ALDH1A2: variants seen among roughly 807,000 people sequenced by gnomAD.
ALDH1A2 encodes the protein retinal dehydrogenase 2.
Under a neutral mutation model 60.3 loss-of-function variants are expected in ALDH1A2, and 27 were observed. That is an observed-to-expected ratio of 0.45 (90% confidence interval 0.33 to 0.62). The LOEUF (loss-of-function observed/expected upper bound fraction) is 0.62, where lower values mean the gene tolerates loss of function less well. Among genes scored for constraint, ALDH1A2 ranks in the 20% least tolerant of loss-of-function variants. The pLI, the probability that ALDH1A2 is intolerant of heterozygous loss-of-function variation, is 0.02. For synonymous variants in ALDH1A2, 289 were observed against 232.4 expected, an observed-to-expected ratio of 1.24 and a Z score of -2.21; for missense variants, 581 against 643.8, an observed-to-expected ratio of 0.90 and a Z score of 1.06.
At chr15:57,984,251 T>C (rs1225300133) in intron 7 of ALDH1A2, among the ~76,000 whole-genome samples, 1 of 152,242 alleles carries the variant, frequency 6.6e-6, no homozygotes, top group Non-Finnish European at 1.5e-5. Context: ...GCTGTAATAA[T>C]GTATTCAAAG....
In ALDH1A2 at chr15:57,957,636, G is replaced by A. The variant is rs3825778; in HGVS notation, c.1485-2367C>T. ...GTTACCTTCACATCAGGACGAAACA[G>A]CAAGGCAAAATCACATTTAGAAGAC... On this transcript the variant is annotated intron_variant, in intron 12 of 12. Transcript: ENST00000249750. Among the ~76,000 whole-genome samples the A allele has an allele frequency of 1.9e-3, 290 of 152,116 alleles. 1 individual carries two copies. The highest frequency in any genetic ancestry group is 6.9e-3 in the African/African-American group (288 of 41,482).
chr15:58,062,644 C>T (rs1316941216), intron 1 of ALDH1A2, among the ~76,000 whole-genome samples: 1 of 152,022 alleles, frequency 6.6e-6, no homozygotes, highest in Non-Finnish European at 1.5e-5. Flanking sequence ...CAAATTGGTC[C>T]CCTCAATACT....
chr15:57,961,564 C>G (rs1337849084), intron 10 of ALDH1A2, among the ~76,000 whole-genome samples: 2 of 152,158 alleles, frequency 1.3e-5, no homozygotes, highest in African/African-American at 4.8e-5. Flanking sequence ...TACAGAAGAG[C>G]AAGTGGCATC....
intron 8 of ALDH1A2, among the ~76,000 whole-genome samples, 153 bp downstream of exon 8, chr15:57,965,572 C>G (rs1454750859): frequency 6.6e-6 from 1 of 152,142 alleles, no homozygotes; most frequent in Admixed American, 6.5e-5. Flanking sequence ...GTGCTCTTTC[C>G]CCATTATTAA....
At chr15:57,970,687 T>C (rs1303347909) in intron 7 of ALDH1A2, among the ~76,000 whole-genome samples, 1 of 152,218 alleles carries the variant, frequency 6.6e-6, no homozygotes, top group East Asian at 1.9e-4. Context: ...AGAGCTATTT[T>C]ATTACACATA....
chr15:58,055,346 C>T (rs1896870035), intron 1 of ALDH1A2, among the ~76,000 whole-genome samples: 1 of 151,972 alleles, frequency 6.6e-6, no homozygotes, highest in Non-Finnish European at 1.5e-5. Flanking sequence ...AAAGCCGTAG[C>T]TATTAAAATA....
intron 1 of ALDH1A2, among the ~76,000 whole-genome samples, chr15:58,023,321 T>G (rs1895984506): frequency 6.6e-6 from 1 of 152,182 alleles, no homozygotes; most frequent in Non-Finnish European, 1.5e-5. Context: ...AAAGCCTTTG[T>G]GACACTTGGG....
intron 1 of ALDH1A2, among the ~76,000 whole-genome samples, chr15:58,055,595 T>C (rs1896875502): frequency 6.6e-6 from 1 of 152,052 alleles, no homozygotes. Context: ...TAGCCAAAAT[T>C]GTCAGGTGTT....
chr15:58,058,326 A>T (rs1896945212), intron 1 of ALDH1A2, among the ~76,000 whole-genome samples: 1 of 152,040 alleles, frequency 6.6e-6, no homozygotes, highest in Non-Finnish European at 1.5e-5. Context: ...CTTGCTAAAT[A>T]ATTAGTGGGT....
intron 4 of ALDH1A2, among the ~76,000 whole-genome samples, chr15:58,000,848 C>A (rs1350825588): frequency 6.6e-6 from 1 of 151,816 alleles, no homozygotes; most frequent in African/African-American, 2.4e-5. Flanking sequence ...ACAGACCACA[C>A]TCTGAGTAGC....
chr15:58,010,904 C>T (rs1895614848), intron 3 of ALDH1A2, 126 bp from the exon 4 acceptor site: 1 of 1,241,496 alleles, frequency 8.1e-7, no homozygotes, highest in African/African-American at 1.5e-5. Context: ...ACCTGGTCAA[C>T]TATGAATTCT....
At chr15:58,042,248 GA>G (rs1217511236) in intron 1 of ALDH1A2, among the ~76,000 whole-genome samples, 2 of 151,880 alleles carry the variant, frequency 1.3e-5, no homozygotes, top group African/African-American at 4.8e-5. Flanking sequence ...ACGACCTCTT[GA>G]TAAAGCCTTC....
rs146816152 is a variant in ALDH1A2 at position 58,001,925 on chromosome 15, G to C, written c.494-6786C>G. The stretch of plus-strand genomic sequence containing the variant: ...AATAGGTGAGAACACAACTATGATG[G>C]AGAAAACTAAAGAAAAGATGAGAGA... On this transcript the variant is annotated intron_variant, in intron 4 of 12. Transcript: ENST00000249750. 2.2e-3 allele frequency among the ~76,000 whole-genome samples: 340 copies of C among 152,026 alleles called. 8 individuals are homozygous for C. The East Asian group carries it at 0.038, about 17-fold the overall frequency.
intron 1 of ALDH1A2, among the ~76,000 whole-genome samples, chr15:58,032,468 C>A (rs898168157): frequency 6.6e-6 from 1 of 152,112 alleles, no homozygotes; most frequent in Admixed American, 6.6e-5. Flanking sequence ...AACAAACCTG[C>A]ACGTTGTGCA....
At chr15:58,060,690 A>G (rs1249688001) in intron 1 of ALDH1A2, among the ~76,000 whole-genome samples, 1 of 152,176 alleles carries the variant, frequency 6.6e-6, no homozygotes, top group Non-Finnish European at 1.5e-5. Context: ...TGGCTCTGCC[A>G]TTATAGTCAG....
At chr15:57,970,576 G>T (rs140948048) in intron 7 of ALDH1A2, among the ~76,000 whole-genome samples, 7 of 152,286 alleles carry the variant, frequency 4.6e-5, no homozygotes, top group African/African-American at 1.7e-4. Context: ...AACACAAAAG[G>T]CTTTTCATGC....
chr15:58,032,787 TCAA>T (rs1202701560), intron 1 of ALDH1A2, among the ~76,000 whole-genome samples: 11 of 128,332 alleles, frequency 8.6e-5, no homozygotes, highest in Admixed American at 8.4e-4. Context: ...AAAGTGCCCC[TCAA>T]CACACACACA....
intron 11 of ALDH1A2, 121 bp downstream of exon 11, chr15:57,961,016 C>G (rs769264499): frequency 1.4e-6 from 2 of 1,433,382 alleles, no homozygotes; most frequent in East Asian, 2.3e-5. Flanking sequence ...GAGTGTACCC[C>G]TTTTCTGGTG....
rs1440434208 is a variant in ALDH1A2, at chr15:57,953,631, A to T, written c.*1566T>A. 1 of 152,702 alleles carries T rather than the reference A, an allele frequency of 6.5e-6. No homozygotes were observed. Among genetic ancestry groups the T allele is most frequent in the African/African-American group, 2.4e-5 (1 of 41,464 alleles). 9.5% of individuals were successfully genotyped at this position (152,702 alleles called of 1,614,324 possible). A position where few individuals can be genotyped will look rare whatever the true frequency, so the allele number is the denominator to read the frequency against. On this transcript the variant is annotated 3_prime_UTR_variant, in exon 13 of 13. Transcript: ENST00000249750. ...TACGGCATCTGTCAGGGCTCACGGC[A>T]CTGGGCTGCTGAATGCACTGTCGTT...
Sources: allele counts gnomAD v4.1 joint callset (sites outside exome capture counted in the v4.1 genomes callset), GRCh38; gene constraint gnomAD v4.1.1; transcripts MANE v1.5; gene names NCBI Gene and HGNC (gene_info 2026-07-23, HGNC 2026-07-21).